The following RAF1 variants were observed in gnomAD, a reference collection of about 807,000 sequenced individuals.
RAF1 encodes the protein RAF proto-oncogene serine/threonine-protein kinase.
Under a neutral mutation model 81.1 loss-of-function variants are expected in RAF1, and 27 were observed. The observed-to-expected ratio is 0.33, with a 90% CI of 0.25 to 0.46. The LOEUF is 0.46. RAF1 is among the 20% of genes least tolerant of loss of function. The pLI, the probability that RAF1 is intolerant of heterozygous loss-of-function variation, is 1.00. For synonymous variants in RAF1, 298 were observed against 294.0 expected, an observed-to-expected ratio of 1.01 and a Z score of -0.14; for missense variants, 598 against 826.0, an observed-to-expected ratio of 0.72 and a Z score of 3.38.
Position 12,618,601 on chromosome 3 carries a change from G to A in RAF1, c.121C>T (p.Arg41Trp), listed in dbSNP as rs1480507957. The A allele has an allele frequency of 8.7e-6, 14 of 1,614,138 alleles. No homozygotes were observed. The highest frequency in any genetic ancestry group is 2.2e-5 in the East Asian group (1 of 44,884). ...GTGAGTTTGCCATCATCTGATGCCCGGCGCTGATAGCCAAACTGCTGAACT... is the reference window on the plus strand; with the variant it reads ...GTGAGTTTGCCATCATCTGATGCCCAGCGCTGATAGCCAAACTGCTGAACT... The change falls in exon 2 of 18, where the codon CGG (arginine) becomes TGG (tryptophan). Residue 41 changes from arginine (R) to tryptophan (W), a missense_variant. Arg to Trp is a moderately radical substitution (Grantham distance 101). Coordinates refer to ENST00000442415, the MANE Select transcript of RAF1 (RefSeq NM_001354689.3).
chr3:12,628,707 A>G (rs1390765584), intron 1 of RAF1, among the ~76,000 whole-genome samples: 1 of 128,544 alleles, frequency 7.8e-6, no homozygotes, highest in Non-Finnish European at 1.6e-5. Context: ...ATACACTGGC[A>G]GTAACTTCTA....
At chr3:12,584,742 C>T (rs2058267397) in intron 17 of RAF1, 85 bp from the exon 17 acceptor site, 1 of 1,613,016 alleles carries the variant, frequency 6.2e-7, no homozygotes, top group Non-Finnish European at 8.5e-7. Flanking sequence ...TGTAGAGGAC[C>T]TGGGTCCCCT....
chr3:12,607,007 G>A (rs536499468), intron 5 of RAF1, among the ~76,000 whole-genome samples: 1 of 152,224 alleles, frequency 6.6e-6, no homozygotes, highest in East Asian at 1.9e-4. Flanking sequence ...GCATTTCTAG[G>A]AAATACTGGT....
At chr3:12,606,156 A>AC (rs755694383) in intron 6 of RAF1, 45 bp downstream of exon 6, 1 of 1,452,038 alleles carries the variant, frequency 6.9e-7, no homozygotes, top group African/African-American at 1.4e-5. Flanking sequence ...CAACCCCACC[A>AC]CCCCAAATAA....
chr3:12,661,725 TAATAA>T (rs1191054529), intron 1 of RAF1, among the ~76,000 whole-genome samples: 6 of 151,904 alleles, frequency 3.9e-5, no homozygotes, highest in African/African-American at 1.5e-4. Context: ...AACAATAGAA[TAATAA>T]AATAAAAATT....
chr3:12,654,176 T>TG (rs35679453), intron 1 of RAF1, among the ~76,000 whole-genome samples: 128,188 of 151,816 alleles, frequency 0.84, 54,583 homozygotes, highest in African/African-American at 0.95. Flanking sequence ...GTTTTAGAGA[T>TG]GGGGTCTCAC....
intron 17 of RAF1, 71 bp from the exon 17 acceptor site, chr3:12,584,728 A>G (rs2125318285): frequency 4.3e-6 from 7 of 1,613,176 alleles, no homozygotes; most frequent in East Asian, 2.2e-5. Flanking sequence ...GCCCCCCACC[A>G]TCTTGTAGAG....
intron 1 of RAF1, among the ~76,000 whole-genome samples, chr3:12,633,886 G>A (rs2059936827): frequency 7.1e-6 from 1 of 140,912 alleles, no homozygotes; most frequent in Admixed American, 7.6e-5. Context: ...AGTGAGCCAA[G>A]ATTGTGCCAT....
chr3:12,607,715 G>C (rs1017211146), intron 5 of RAF1, among the ~76,000 whole-genome samples: 8 of 152,012 alleles, frequency 5.3e-5, no homozygotes, highest in African/African-American at 1.9e-4. Context: ...CACTTTGGGA[G>C]GCCGAGGTGG....
intron 1 of RAF1, among the ~76,000 whole-genome samples, chr3:12,628,230 G>A (rs2059763011): frequency 6.6e-6 from 1 of 152,258 alleles, no homozygotes. Context: ...GGAGACCGAG[G>A]TACGAAGATC....
chr3:12,599,561 CAAGT>C (rs1245298496), intron 11 of RAF1, 126 bp downstream of exon 10: 1 of 710,408 alleles, frequency 1.4e-6, no homozygotes, highest in African/African-American at 1.8e-5. Flanking sequence ...CAGGTATAAT[CAAGT>C]ATGTAAGGGA....
intron 1 of RAF1, among the ~76,000 whole-genome samples, chr3:12,623,329 C>A (rs2059603627): frequency 6.6e-6 from 1 of 152,196 alleles, no homozygotes; most frequent in South Asian, 2.1e-4. Context: ...AATTCTAAGT[C>A]TTGCAGGCAC....
At chr3:12,612,593 G>A (rs1272845070) in intron 2 of RAF1, among the ~76,000 whole-genome samples, 1 of 148,848 alleles carries the variant, frequency 6.7e-6, no homozygotes, top group East Asian at 2.0e-4. Flanking sequence ...AGGTTGCAGT[G>A]AGCTGAGATC....
intron 1 of RAF1, among the ~76,000 whole-genome samples, chr3:12,625,240 T>A (rs938462505): frequency 6.6e-6 from 1 of 151,984 alleles, no homozygotes; most frequent in Non-Finnish European, 1.5e-5. Context: ...TGCGCCACTA[T>A]GTCTGGCTAA....
At chr3:12,646,147 T>A (rs1363831669) in intron 1 of RAF1, among the ~76,000 whole-genome samples, 1 of 152,168 alleles carries the variant, frequency 6.6e-6, no homozygotes, top group Non-Finnish European at 1.5e-5. Flanking sequence ...AAATCTAATC[T>A]TTGTTTTTTA....
chr3:12,596,135 A>C (rs1397550859), intron 11 of RAF1, among the ~76,000 whole-genome samples: 6 of 151,126 alleles, frequency 4.0e-5, no homozygotes, highest in Non-Finnish European at 8.8e-5. Context: ...AGCCTCCCAA[A>C]GTGCTAGGGA....
intron 1 of RAF1, among the ~76,000 whole-genome samples, chr3:12,659,443 A>AAAAAAAAAAAAAAAAAAAAAAAAAC (rs1229028360): frequency 6.6e-6 from 1 of 150,572 alleles, no homozygotes; most frequent in Non-Finnish European, 1.5e-5. Flanking sequence ...AAAAAAAAAA[A>AAAAAAAAAAAAAAAAAAAAAAAAAC]AATTACACGC....
chr3:12,602,189 C>G (rs1162649337), intron 8 of RAF1, among the ~76,000 whole-genome samples: 1 of 151,966 alleles, frequency 6.6e-6, no homozygotes, highest in African/African-American at 2.4e-5. Flanking sequence ...AAGAATTTTC[C>G]TATTGTTCCT....
chr3:12,653,858 C>A (rs116889699), intron 1 of RAF1, among the ~76,000 whole-genome samples: 1 of 152,010 alleles, frequency 6.6e-6, no homozygotes, highest in African/African-American at 2.4e-5. Flanking sequence ...ATGCTGGAAG[C>A]GCTCCCAAGA....
Sources: allele counts gnomAD v4.1 joint callset (sites outside exome capture counted in the v4.1 genomes callset), GRCh38; gene constraint gnomAD v4.1.1; transcripts MANE v1.5; gene names NCBI Gene and HGNC (gene_info 2026-07-23, HGNC 2026-07-21).